Variants in PLXNA4 observed in about 807,000 individuals in gnomAD.
The protein encoded by PLXNA4 is plexin-A4.
Under a neutral mutation model 191.8 loss-of-function variants are expected in PLXNA4, and 44 were observed. The ratio of observed to expected loss-of-function variants is 0.23; its 90% CI spans 0.18 to 0.29. PLXNA4 has a LOEUF of 0.29. Among genes scored for constraint, PLXNA4 ranks in the 10% least tolerant of loss-of-function variants. PLXNA4 has a pLI of 1.00. For missense variants in PLXNA4, 1,800 were observed against 2,488.8 expected (o/e 0.72, Z 5.89); for synonymous variants, 1,082 against 1,009.5 (o/e 1.07, Z -1.36).
chr7:132,343,249 T>C (rs530631390), intron 3 of PLXNA4, among the ~76,000 whole-genome samples: 1 of 152,308 alleles, frequency 6.6e-6, no homozygotes, highest in Non-Finnish European at 1.5e-5. Flanking sequence ...ATTCCTAACA[T>C]AAAATTGACC....
intron 3 of PLXNA4, among the ~76,000 whole-genome samples, chr7:132,453,165 C>T (rs1009064396): frequency 3.3e-5 from 5 of 152,092 alleles, no homozygotes; most frequent in Admixed American, 2.6e-4. Context: ...AATGCAAATC[C>T]TATGTCAATT....
At chr7:132,384,122 G>C in intron 3 of PLXNA4, 1 of 985,418 alleles carries the variant, frequency 1.0e-6, no homozygotes. Context: ...AGGTTCTCAA[G>C]AGCCCTCCTG....
At chr7:132,526,413 T>C (rs1026944792) in intron 1 of PLXNA4, among the ~76,000 whole-genome samples, 1 of 152,164 alleles carries the variant, frequency 6.6e-6, no homozygotes, top group Non-Finnish European at 1.5e-5. Context: ...TTATAAGAAA[T>C]CTGACAGGAA....
chr7:132,449,067 A>G (rs1348884435), intron 3 of PLXNA4, among the ~76,000 whole-genome samples: 1 of 152,248 alleles, frequency 6.6e-6, no homozygotes, highest in African/African-American at 2.4e-5. Flanking sequence ...ATCAGATGTC[A>G]AGACTTTTCA....
intron 3 of PLXNA4, among the ~76,000 whole-genome samples, chr7:132,325,938 T>C (rs1802340980): frequency 6.6e-6 from 1 of 152,184 alleles, no homozygotes; most frequent in Non-Finnish European, 1.5e-5. Context: ...TCCTACCCAC[T>C]GTCCAGACCT....
At chr7:132,347,380 A>G (rs1203083288) in intron 3 of PLXNA4, among the ~76,000 whole-genome samples, 1 of 152,174 alleles carries the variant, frequency 6.6e-6, no homozygotes, top group Non-Finnish European at 1.5e-5. Flanking sequence ...AAGACACGAA[A>G]GGAGGGTGCA....
At chr7:132,411,871 A>T (rs1372284357) in intron 3 of PLXNA4, among the ~76,000 whole-genome samples, 2 of 152,158 alleles carry the variant, frequency 1.3e-5, no homozygotes, top group African/African-American at 4.8e-5. Flanking sequence ...TTCTACGTCC[A>T]ATCACATGTT....
At chr7:132,331,743 C>T (rs1802598209) in intron 3 of PLXNA4, among the ~76,000 whole-genome samples, 1 of 152,200 alleles carries the variant, frequency 6.6e-6, no homozygotes, top group South Asian at 2.1e-4. Flanking sequence ...AGCCCTCTGT[C>T]TCACCTGTCC....
At chr7:132,601,881 GA>G (rs1802827785) in intron 2 of PLXNA4, among the ~76,000 whole-genome samples, 1 of 152,204 alleles carries the variant, frequency 6.6e-6, no homozygotes, top group African/African-American at 2.4e-5. Flanking sequence ...AAAGATCTAA[GA>G]AAGAAGTTGA....
chr7:132,172,712 A>G (rs1253841441), intron 21 of PLXNA4, among the ~76,000 whole-genome samples: 2 of 152,078 alleles, frequency 1.3e-5, no homozygotes, highest in Non-Finnish European at 2.9e-5. Flanking sequence ...ACTTAAACAT[A>G]TGTAACTAAC....
intron 3 of PLXNA4, among the ~76,000 whole-genome samples, chr7:132,329,488 G>T (rs1483295943): frequency 6.6e-6 from 1 of 152,174 alleles, no homozygotes; most frequent in African/African-American, 2.4e-5. Context: ...GGGGTCCAGT[G>T]GTTGTCACAC....
At chr7:132,458,380 T>C (rs1225022583) in intron 3 of PLXNA4, among the ~76,000 whole-genome samples, 2 of 151,944 alleles carry the variant, frequency 1.3e-5, no homozygotes, top group African/African-American at 4.8e-5. Context: ...AGGGCAGCAC[T>C]GTTCATAGAA....
At chr7:132,320,737 G>A (rs910000148) in intron 3 of PLXNA4, among the ~76,000 whole-genome samples, 3 of 152,144 alleles carry the variant, frequency 2.0e-5, no homozygotes, top group Admixed American at 6.5e-5. Context: ...CCTGAGTGCA[G>A]TGGTTCTCAG....
At chr7:132,637,320 T>C (rs1463114117) in intron 2 of PLXNA4, among the ~76,000 whole-genome samples, 1 of 152,122 alleles carries the variant, frequency 6.6e-6, no homozygotes, top group Non-Finnish European at 1.5e-5. Context: ...ACCTGCTGTG[T>C]CCGTAATTGA....
chr7:132,493,261 C>T (rs990719338), intron 2 of PLXNA4, among the ~76,000 whole-genome samples: 2 of 152,190 alleles, frequency 1.3e-5, no homozygotes, highest in Non-Finnish European at 2.9e-5. Flanking sequence ...CAGGTCTGGA[C>T]TCTGCTATTA....
chr7:132,256,024 G>A (rs1042964104), intron 4 of PLXNA4, among the ~76,000 whole-genome samples: 3 of 152,228 alleles, frequency 2.0e-5, no homozygotes, highest in Admixed American at 6.5e-5. Context: ...CCCTGGGTCT[G>A]GGATAGGAAA....
At chr7:132,133,953 G>T (rs1027464233) in intron 30 of PLXNA4, among the ~76,000 whole-genome samples, 1 of 152,106 alleles carries the variant, frequency 6.6e-6, no homozygotes, top group Admixed American at 6.5e-5. Flanking sequence ...TGACAGGAGG[G>T]CATCATAAAC....
intron 4 of PLXNA4, among the ~76,000 whole-genome samples, chr7:132,278,536 T>A (rs1800361355): frequency 6.6e-6 from 1 of 152,194 alleles, no homozygotes; most frequent in African/African-American, 2.4e-5. Flanking sequence ...AGCCTTCGTG[T>A]CATCAGTCAA....
intron 4 of PLXNA4, among the ~76,000 whole-genome samples, chr7:132,266,091 C>A (rs984741229): frequency 6.6e-6 from 1 of 152,100 alleles, no homozygotes; most frequent in Non-Finnish European, 1.5e-5. Flanking sequence ...TGGGCTGGAA[C>A]CCAAACTGAA....
Sources: allele counts gnomAD v4.1 joint callset (sites outside exome capture counted in the v4.1 genomes callset), GRCh38; gene constraint gnomAD v4.1.1; transcripts MANE v1.5; gene names NCBI Gene and HGNC (gene_info 2026-07-23, HGNC 2026-07-21).